The following CEP70 variants were observed in gnomAD, a reference collection of about 807,000 sequenced individuals.
CEP70 encodes the protein centrosomal protein of 70 kDa.
CEP70 carries 70 observed loss-of-function variants against 90.9 expected under a neutral mutation model. The ratio of observed to expected loss-of-function variants is 0.77; its 90% CI spans 0.64 to 0.94. The LOEUF (loss-of-function observed/expected upper bound fraction) is 0.94. CEP70 is among the 40% of genes least tolerant of loss of function. The probability of loss-of-function intolerance (pLI) is 0.00; values close to 1 mark genes in which losing one functional copy is unlikely to be tolerated. For missense variants in CEP70, 648 were observed against 669.0 expected, an observed-to-expected ratio of 0.97 and a Z score of 0.35; for synonymous variants, 220 against 228.3, an observed-to-expected ratio of 0.96 and a Z score of 0.33.
chr3:138,497,099 T>A (rs148486993), intron 17 of CEP70: 4 of 1,052,798 alleles, frequency 3.8e-6, no homozygotes, highest in Non-Finnish European at 3.4e-6. Flanking sequence ...ACATTTTCAC[T>A]TGCTGTGATC....
chr3:138,572,367 T>C (rs943799772), intron 3 of CEP70, among the ~76,000 whole-genome samples: 4 of 152,194 alleles, frequency 2.6e-5, no homozygotes, highest in African/African-American at 7.2e-5. Context: ...AGAGTTTAAC[T>C]ACGTGGTAGA....
intron 6 of CEP70, among the ~76,000 whole-genome samples, chr3:138,565,743 A>G (rs904307016): frequency 6.6e-5 from 10 of 152,206 alleles, no homozygotes; most frequent in Admixed American, 6.5e-5. Context: ...CCTAGGCAAT[A>G]CCACTGAGGA....
intron 6 of CEP70, among the ~76,000 whole-genome samples, chr3:138,569,411 G>A (rs1046488458): frequency 2.0e-5 from 3 of 152,136 alleles, no homozygotes; most frequent in Non-Finnish European, 4.4e-5. Flanking sequence ...GTAAAGATCA[G>A]AAACAACTCA....
intron 12 of CEP70, 78 bp downstream of exon 12, chr3:138,508,361 T>TA: frequency 1.1e-6 from 1 of 901,986 alleles, no homozygotes; most frequent in South Asian, 1.3e-5. Flanking sequence ...TACCAACTGA[T>TA]AATTTATTAC....
chr3:138,551,470 G>T (rs1461505205), intron 6 of CEP70, among the ~76,000 whole-genome samples: 1 of 152,146 alleles, frequency 6.6e-6, no homozygotes, highest in Non-Finnish European at 1.5e-5. Context: ...ATCTGGCTGG[G>T]TGCAGTGGTT....
chr3:138,585,293 A>G (rs910654190), intron 2 of CEP70, among the ~76,000 whole-genome samples: 1 of 152,206 alleles, frequency 6.6e-6, no homozygotes, highest in Admixed American at 6.5e-5. Context: ...CCCATTTACA[A>G]TAGCCACAAA....
At chr3:138,496,896 G>A (rs2033987632) in intron 17 of CEP70, 2 of 985,560 alleles carry the variant, frequency 2.0e-6, no homozygotes, top group Non-Finnish European at 2.4e-6. Context: ...TCTGAAATAA[G>A]TGTTACCAGC....
intron 11 of CEP70, among the ~76,000 whole-genome samples, chr3:138,522,274 T>A (rs1425496466): frequency 6.4e-5 from 8 of 124,196 alleles, no homozygotes; most frequent in East Asian, 2.2e-4. Context: ...CCAAGAATGA[T>A]CAATAAATAC....
intron 11 of CEP70, among the ~76,000 whole-genome samples, chr3:138,518,161 G>C (rs1047113930): frequency 6.6e-6 from 1 of 152,232 alleles, no homozygotes; most frequent in African/African-American, 2.4e-5. Context: ...GCTGAGGCTT[G>C]AGTAGGTAAA....
intron 2 of CEP70, among the ~76,000 whole-genome samples, chr3:138,588,347 C>T (rs2042209085): frequency 2.0e-5 from 3 of 152,074 alleles, no homozygotes. Flanking sequence ...AGGTTCATAT[C>T]CAGAATATAT....
intron 2 of CEP70, among the ~76,000 whole-genome samples, chr3:138,591,221 T>C (rs977010398): frequency 2.6e-5 from 4 of 152,164 alleles, no homozygotes; most frequent in Admixed American, 6.5e-5. Context: ...CAGTCACAAC[T>C]TCATTTCATG....
chr3:138,530,524 A>C (rs879406703), intron 8 of CEP70: 12 of 947,882 alleles, frequency 1.3e-5, no homozygotes, highest in East Asian at 1.2e-4. Context: ...ACAACAACAA[A>C]AAACTTCGGA....
intron 6 of CEP70, among the ~76,000 whole-genome samples, chr3:138,541,197 G>A (rs550320192): frequency 7.2e-5 from 11 of 152,228 alleles, no homozygotes; most frequent in African/African-American, 2.2e-4. Flanking sequence ...GTTTACCTAC[G>A]TAACAAACCT....
In CEP70 at chr3:138,570,326, T is replaced by C; in HGVS notation, c.457A>G (p.Thr153Ala). ...KIKDLQKEQK[T>A]LQVKCQHYKK... ...AATTCATAACTCAGTACCTGTAAAG[T>C]TTTCTGCTCCTTTTGAAGATCTTTT... Residue 153 changes from threonine (T) to alanine (A), a missense_variant, in exon 6 of 18, where the codon ACT (threonine) becomes GCT (alanine). Coordinates refer to ENST00000264982, the MANE Select transcript of CEP70 (RefSeq NM_024491.4). The C allele has an allele frequency of 6.3e-7, 1 of 1,575,966 alleles. No individual in the cohort carries two copies. Among genetic ancestry groups the C allele is most frequent in the South Asian group, 1.2e-5 (1 of 84,126 alleles).
intron 3 of CEP70, among the ~76,000 whole-genome samples, chr3:138,571,980 G>A (rs1395075767): frequency 6.6e-6 from 1 of 152,048 alleles, no homozygotes. Flanking sequence ...GGGTTTCACC[G>A]TGTTAGCCAG....
At chr3:138,580,594 T>A (rs983644327) in intron 2 of CEP70, among the ~76,000 whole-genome samples, 2 of 152,084 alleles carry the variant, frequency 1.3e-5, no homozygotes, top group African/African-American at 4.8e-5. Flanking sequence ...AATAAATACC[T>A]AATTCTTCAA....
chr3:138,522,203 T>C (rs2036726485), intron 11 of CEP70, among the ~76,000 whole-genome samples: 1 of 151,908 alleles, frequency 6.6e-6, no homozygotes, highest in Non-Finnish European at 1.5e-5. Flanking sequence ...CATGTTTATC[T>C]GCTGACCTTC....
Position 138,500,492 on chromosome 3 carries a change from A to T in CEP70, c.1444T>A (p.Leu482Ile). 1 of 1,612,138 alleles carries T rather than the reference A, an allele frequency of 6.2e-7. No homozygotes were observed. ...TTCATTCGGGGATAGACTCCATTTA[A>T]AGAAGGCACATCAAATAACTTTTGG... is the stretch of plus-strand genomic sequence containing the variant. ...HFQKLFDVPS[L>I]NGVYPRMNEV... Residue 482 changes from leucine (L) to isoleucine (I), a missense_variant, in exon 15 of 18, where the codon TTA (leucine) becomes ATA (isoleucine). By Grantham distance (5) the Leu-to-Ile change is conservative. Coordinates refer to ENST00000264982, the MANE Select transcript of CEP70 (RefSeq NM_024491.4).
At chr3:138,497,822 A>T in intron 17 of CEP70, 1 of 985,440 alleles carries the variant, frequency 1.0e-6, no homozygotes, top group Non-Finnish European at 1.2e-6. Context: ...CAACAAAGGT[A>T]GTTCCTATTG....
Sources: allele counts gnomAD v4.1 joint callset (sites outside exome capture counted in the v4.1 genomes callset), GRCh38; gene constraint gnomAD v4.1.1; transcripts MANE v1.5; gene names NCBI Gene and HGNC (gene_info 2026-07-23, HGNC 2026-07-21).